Variants in ADGRB3 observed in about 807,000 individuals in gnomAD.
ADGRB3 encodes adhesion G protein-coupled receptor B3.
Under a neutral mutation model 193.4 loss-of-function variants are expected in ADGRB3, and 37 were observed. The observed-to-expected ratio is 0.19, with a 90% CI of 0.15 to 0.25. The LOEUF (loss-of-function observed/expected upper bound fraction) is 0.25, where lower values mean the gene tolerates loss of function less well. Ranked by LOEUF, ADGRB3 falls within the 10% of genes least tolerant of loss-of-function variation. The pLI is 1.00. For synonymous variants in ADGRB3, 690 were observed against 644.2 expected (o/e 1.07, Z -1.08); for missense variants, 1,637 against 1,852.9 (o/e 0.88, Z 2.14).
intron 11 of ADGRB3, among the ~76,000 whole-genome samples, chr6:69,006,289 T>C (rs1769747291): frequency 2.6e-5 from 4 of 152,064 alleles, no homozygotes; most frequent in Admixed American, 2.6e-4. Flanking sequence ...TTATGTATCA[T>C]GCATGCAAAT....
intron 3 of ADGRB3, among the ~76,000 whole-genome samples, chr6:68,927,395 T>C (rs1767210860): frequency 6.6e-6 from 1 of 152,090 alleles, no homozygotes; most frequent in African/African-American, 2.4e-5. Context: ...CAACCCACAT[T>C]CACCACATAA....
At chr6:68,800,866 G>A (rs2127370870) in intron 3 of ADGRB3, among the ~76,000 whole-genome samples, 1 of 152,292 alleles carries the variant, frequency 6.6e-6, no homozygotes, top group African/African-American at 2.4e-5. Flanking sequence ...CACAGAGAAG[G>A]AGAGAAGTCT....
intron 8 of ADGRB3, among the ~76,000 whole-genome samples, chr6:68,973,538 G>A (rs942614508): frequency 6.6e-6 from 1 of 152,176 alleles, no homozygotes; most frequent in Admixed American, 6.5e-5. Context: ...TATTCTGCAA[G>A]GAAGATGTTT....
At chr6:69,232,979 T>A (rs1226072502) in intron 17 of ADGRB3, 1 of 435,184 alleles carries the variant, frequency 2.3e-6, no homozygotes, top group Non-Finnish European at 4.1e-6. Flanking sequence ...CTCTGGCGGC[T>A]GCTCGTGCTG....
rs1171842542 is a variant in ADGRB3, at chr6:68,734,315, G to A, written c.757+94883G>A. 3.9e-5 allele frequency among the ~76,000 whole-genome samples: 6 copies of A among 152,084 alleles called. No individual in the cohort carries two copies. The East Asian group carries it at 1.2e-3, about 30-fold the overall frequency. On this transcript the variant is annotated intron_variant, in intron 3 of 31. Transcript: ENST00000370598. ...AAGGACATCTCCCTTGCCTCTCCCAGGTAGGGTGAATTTGAACATTTTATT... is the reference window on the plus strand; with the variant it reads ...AAGGACATCTCCCTTGCCTCTCCCAAGTAGGGTGAATTTGAACATTTTATT...
chr6:69,100,210 G>A (rs149278559), intron 17 of ADGRB3, among the ~76,000 whole-genome samples: 76 of 151,960 alleles, frequency 5.0e-4, no homozygotes, highest in Non-Finnish European at 9.4e-4. Context: ...TAAATCATTC[G>A]GTCTACATCT....
chr6:69,011,163 G>GTT (rs927619632), intron 11 of ADGRB3, among the ~76,000 whole-genome samples: 223 of 142,160 alleles, frequency 1.6e-3, no homozygotes, highest in African/African-American at 5.6e-3. Context: ...GTGTGTGTGT[G>GTT]TGTGTATATA....
At position 68,930,677 on chromosome 6, in the gene ADGRB3, G is replaced by A. The variant is rs747473724; in HGVS notation, c.868+8G>A. ...AATTTATGGCACAAACTGGTAATAC[G>A]TTAGTTACATTTTTCTATTTATTGT... On this transcript the variant is annotated splice_region_variant and intron_variant, in intron 4 of 31. Coordinates refer to ENST00000370598, the MANE Select transcript of ADGRB3 (RefSeq NM_001704.3). 31 of 1,548,452 alleles carry A rather than the reference G, an allele frequency of 2.0e-5. No homozygotes were observed. The highest frequency in any genetic ancestry group is 3.5e-5 in the Admixed American group (2 of 57,876).
chr6:69,293,618 G>A (rs111568212), intron 20 of ADGRB3, among the ~76,000 whole-genome samples: 4,001 of 152,236 alleles, frequency 0.026, 82 homozygotes, highest in Non-Finnish European at 0.04. Context: ...AGTCTTGACT[G>A]CATTCACATG....
At chr6:69,176,868 GCTT>G (rs1561943048) in intron 17 of ADGRB3, among the ~76,000 whole-genome samples, 4 of 152,098 alleles carry the variant, frequency 2.6e-5, no homozygotes. Flanking sequence ...GACATTGTAT[GCTT>G]CTAGGAATTT....
intron 3 of ADGRB3, among the ~76,000 whole-genome samples, chr6:68,867,277 G>T (rs541396691): frequency 2.6e-5 from 4 of 152,206 alleles, no homozygotes; most frequent in Non-Finnish European, 5.9e-5. Flanking sequence ...ATGGCTAAAA[G>T]GGGGAAGGTA....
chr6:69,069,856 G>A (rs1340946846), intron 16 of ADGRB3, among the ~76,000 whole-genome samples: 5 of 151,878 alleles, frequency 3.3e-5, no homozygotes, highest in Non-Finnish European at 7.4e-5. Context: ...AAATCTATTT[G>A]GGTAGTTATA....
At position 69,378,019 on chromosome 6, in the gene ADGRB3, G is replaced by A. The variant is rs1045501899; in HGVS notation, c.4276-4812G>A. On this transcript the variant is annotated intron_variant, in intron 30 of 31. Coordinates refer to ENST00000370598, the MANE Select transcript of ADGRB3 (RefSeq NM_001704.3). ...TTCCATGTGGCAGTCGCCTTCCCTG[G>A]CCTATATGTCTATGCTGTCTTGTTC... Among the ~76,000 whole-genome samples, 6 of 152,098 alleles carry A rather than the reference G, an allele frequency of 3.9e-5. No homozygotes were observed. The East Asian group carries it at 7.8e-4, about 20-fold the overall frequency.
chr6:68,832,412 C>T (rs1041563518), intron 3 of ADGRB3, among the ~76,000 whole-genome samples: 2 of 152,106 alleles, frequency 1.3e-5, no homozygotes, highest in African/African-American at 2.4e-5. Context: ...CTCGACTAGA[C>T]TCTTAATTTC....
chr6:69,267,712 G>T (rs1767078600), intron 20 of ADGRB3, among the ~76,000 whole-genome samples: 1 of 152,034 alleles, frequency 6.6e-6, no homozygotes, highest in South Asian at 2.1e-4. Context: ...GTACCTCTTG[G>T]TCAGGTTGTT....
chr6:69,009,393 A>G (rs1769866998), intron 11 of ADGRB3, among the ~76,000 whole-genome samples: 1 of 152,158 alleles, frequency 6.6e-6, no homozygotes, highest in Non-Finnish European at 1.5e-5. Context: ...TTGTCTGAGT[A>G]TAGAACAGAA....
intron 3 of ADGRB3, among the ~76,000 whole-genome samples, chr6:68,651,711 T>C (rs1456505443): frequency 6.6e-6 from 1 of 152,108 alleles, no homozygotes; most frequent in Non-Finnish European, 1.5e-5. Flanking sequence ...AGCCAATATA[T>C]AAGAGCCTTT....
chr6:68,778,856 T>A (rs1298903779), intron 3 of ADGRB3, among the ~76,000 whole-genome samples: 1 of 152,060 alleles, frequency 6.6e-6, no homozygotes, highest in African/African-American at 2.4e-5. Context: ...CCAAACAGTA[T>A]GATCATTGTT....
At chr6:69,025,243 A>G (rs183699859) in intron 13 of ADGRB3, among the ~76,000 whole-genome samples, 177 of 152,312 alleles carry the variant, frequency 1.2e-3, no homozygotes, top group African/African-American at 4.2e-3. Flanking sequence ...TCTCTGTGCA[A>G]TGCCTTTTCA....
Sources: allele counts gnomAD v4.1 joint callset (sites outside exome capture counted in the v4.1 genomes callset), GRCh38; gene constraint gnomAD v4.1.1; transcripts MANE v1.5; gene names NCBI Gene and HGNC (gene_info 2026-07-23, HGNC 2026-07-21).